Variants in FCRL5 observed in about 807,000 individuals in gnomAD.
The protein encoded by FCRL5 is Fc receptor-like protein 5.
A neutral mutation model predicts 92.1 loss-of-function variants in FCRL5; 79 were observed. The observed-to-expected ratio is 0.86, with a 90% CI of 0.72 to 1.03. The LOEUF is 1.03. Ranked by LOEUF, FCRL5 falls within the 50% of genes least tolerant of loss-of-function variation. The pLI is 0.00. For missense variants in FCRL5, 1,160 were observed against 1,181.1 expected (o/e 0.98, Z 0.26); for synonymous variants, 466 against 469.3 (o/e 0.99, Z 0.09).
In FCRL5 at chr1:157,514,347, G is replaced by C. The variant is rs1649832475; in HGVS notation, c.*1328C>G. 1 of 152,260 alleles carries C rather than the reference G, an allele frequency of 6.6e-6. No homozygotes were observed. The highest frequency in any genetic ancestry group is 1.5e-5 in the Non-Finnish European group (1 of 68,040). The allele number at this position is 152,260 out of a possible 1,614,324, so 9.4% of individuals were successfully genotyped here. ...ATACATTCACCCTTTTCATGGGAAA[G>C]TGTGAGGCCTGAGGTGGGGAAACAA... On this transcript the variant is annotated 3_prime_UTR_variant, in exon 17 of 17. Transcript: ENST00000361835.
At chr1:157,529,026 C>T (rs1326470803) in intron 8 of FCRL5, among the ~76,000 whole-genome samples, 1 of 152,150 alleles carries the variant, frequency 6.6e-6, no homozygotes, top group Non-Finnish European at 1.5e-5. Context: ...AACAGACAAC[C>T]CACAGAGTGG....
intron 1 of FCRL5, among the ~76,000 whole-genome samples, chr1:157,551,825 C>T (rs540605417): frequency 2.4e-4 from 37 of 152,360 alleles, no homozygotes; most frequent in Admixed American, 5.9e-4. Flanking sequence ...TACGCCTCTG[C>T]GACCTCCTCC....
chr1:157,540,031 C>G (rs1250665865), intron 6 of FCRL5, among the ~76,000 whole-genome samples: 9 of 152,312 alleles, frequency 5.9e-5, no homozygotes, highest in East Asian at 1.9e-4. Context: ...GCAAAATATA[C>G]TATCCAAATT....
chr1:157,528,025 T>C, intron 8 of FCRL5, 130 bp from the exon 9 acceptor site: 1 of 1,096,874 alleles, frequency 9.1e-7, no homozygotes, highest in Non-Finnish European at 1.3e-6. Flanking sequence ...AGAAGTCAAA[T>C]TGTTGCTGTT....
intron 1 of FCRL5, among the ~76,000 whole-genome samples, chr1:157,551,081 G>A (rs998271142): frequency 1.3e-5 from 2 of 152,154 alleles, no homozygotes; most frequent in Non-Finnish European, 2.9e-5. Flanking sequence ...TAATATTTTT[G>A]TGAGTGGTTT....
chr1:157,537,888 T>TC (rs1651046033), intron 7 of FCRL5, among the ~76,000 whole-genome samples: 1 of 152,220 alleles, frequency 6.6e-6, no homozygotes, highest in Non-Finnish European at 1.5e-5. Context: ...GGCATGCCTT[T>TC]CATCTGCTCC....
At chr1:157,518,846 C>T in intron 13 of FCRL5, 64 bp from the exon 14 acceptor site, 1 of 1,360,986 alleles carries the variant, frequency 7.3e-7, no homozygotes, top group South Asian at 1.4e-5. Context: ...AATGATCACT[C>T]CTAGTGAGTG....
chr1:157,547,271 G>A (rs1336579542), intron 2 of FCRL5, 74 bp from the exon 3 acceptor site: 1 of 1,572,272 alleles, frequency 6.4e-7, no homozygotes, highest in African/African-American at 1.4e-5. Flanking sequence ...CTGCTGCATA[G>A]CCTGAAGGAC....
At chr1:157,524,650 G>T in intron 9 of FCRL5, 93 bp from the exon 10 acceptor site, 3 of 1,360,620 alleles carry the variant, frequency 2.2e-6, no homozygotes, top group Non-Finnish European at 2.0e-6. Context: ...GTTTTTCTCA[G>T]TTTTTAATGC....
chr1:157,538,855 G>C (rs1455382595), intron 7 of FCRL5, among the ~76,000 whole-genome samples: 1 of 152,232 alleles, frequency 6.6e-6, no homozygotes, highest in Non-Finnish European at 1.5e-5. Context: ...GAGGAGCAGG[G>C]AAAAGAAAGC....
In FCRL5 at chr1:157,515,053, C is replaced by T. The variant is rs1649857205; in HGVS notation, c.*622G>A. On this transcript the variant is annotated 3_prime_UTR_variant, in exon 17 of 17. Transcript: ENST00000361835. Reference sequence around the variant, plus strand: ...AGCCACTTACTTGGGCAGGTAGACACTGACACATGAGCAGGAGAGAAGTTA... The same window carrying T: ...AGCCACTTACTTGGGCAGGTAGACATTGACACATGAGCAGGAGAGAAGTTA... The T allele has an allele frequency of 6.4e-6, 1 of 157,400 alleles. No homozygotes were observed. The allele number at this position is 157,400 out of a possible 1,614,324, so 9.8% of individuals were successfully genotyped here.
chr1:157,542,674 G>A, intron 6 of FCRL5, 185 bp downstream of exon 6: 1 of 713,546 alleles, frequency 1.4e-6, no homozygotes. Flanking sequence ...AGGGCACCTA[G>A]ACTGCAATGC....
intron 8 of FCRL5, chr1:157,532,654 A>C (rs1194566652): frequency 2.6e-5 from 4 of 152,072 alleles, no homozygotes; most frequent in Admixed American, 6.5e-5. Flanking sequence ...GTGGTTTCCA[A>C]TCTTGTCTAC....
In FCRL5 at chr1:157,544,898, A is replaced by G. The variant is rs778947961; in HGVS notation, c.492T>C (p.Tyr164=). The part of the protein sequence containing the change: ...PHACLKDNGA[Y]RCTGYKESCC... The stretch of plus-strand genomic sequence containing the variant: ...AACTTTCCTTATATCCAGTACAGCG[A>G]TATGCACCATTGTCCTTGAGACATG... Residue 164 remains tyrosine (Y), a synonymous_variant, in exon 4 of 17, where the codon TAT becomes TAC. Transcript: ENST00000361835. 1 of 1,614,200 alleles carries G rather than the reference A, an allele frequency of 6.2e-7. No individual in the cohort carries two copies. Among genetic ancestry groups the G allele is most frequent in the Non-Finnish European group, 8.5e-7 (1 of 1,179,988 alleles).
At position 157,534,715 on chromosome 1, in the gene FCRL5, A is replaced by G. The variant is rs1242040677; in HGVS notation, c.1580T>C (p.Phe527Ser). ...ATGTCCTTCAGTCAGAGAGAAGCTGAAGGACACTCTTCCCACAGAGGGTGT... is the reference window on the plus strand; with the variant it reads ...ATGTCCTTCAGTCAGAGAGAAGCTGGAGGACACTCTTCCCACAGAGGGTGT... ...SSTPSVGRVS[F>S]SFSLTEGHSG... The change falls in exon 8 of 17, where the codon TTC becomes TCC. Residue 527 changes from phenylalanine to serine, a missense_variant. Phe to Ser is a radical substitution (Grantham distance 155). Transcript: ENST00000361835. The G allele has an allele frequency of 6.2e-7, 1 of 1,614,120 alleles. No homozygotes were observed. Among genetic ancestry groups the G allele is most frequent in the Non-Finnish European group, 8.5e-7 (1 of 1,180,000 alleles).
intron 2 of FCRL5, among the ~76,000 whole-genome samples, chr1:157,548,933 A>G (rs1651682554): frequency 2.0e-5 from 3 of 152,118 alleles, no homozygotes; most frequent in Middle Eastern, 3.2e-3. Context: ...TCCCATTACC[A>G]GGTATATAAC....
At chr1:157,549,348 G>A (rs1461754852) in intron 2 of FCRL5, among the ~76,000 whole-genome samples, 2 of 151,914 alleles carry the variant, frequency 1.3e-5, no homozygotes, top group Non-Finnish European at 2.9e-5. Flanking sequence ...TGACGAGTTA[G>A]TGGGTGCAGC....
At chr1:157,539,059 G>C in intron 7 of FCRL5, 27 bp downstream of exon 7, 1 of 1,605,970 alleles carries the variant, frequency 6.2e-7, no homozygotes, top group Non-Finnish European at 8.5e-7. Context: ...GCCAGGGGTG[G>C]GTGATTGGCA....
rs60818867 is a variant in FCRL5, at chr1:157,528,889, A to T, written c.1682-994T>A. On this transcript the variant is annotated intron_variant, in intron 8 of 16. Coordinates refer to ENST00000361835, the MANE Select transcript of FCRL5 (RefSeq NM_031281.3). ...TATACTTTAAAAAACTCTTCTAGACATTGGTTGGCTTAGGCAGAGTTCATG... is the reference window on the plus strand; with the variant it reads ...TATACTTTAAAAAACTCTTCTAGACTTTGGTTGGCTTAGGCAGAGTTCATG... Among the ~76,000 whole-genome samples, 831 of 152,366 alleles carry T rather than the reference A, an allele frequency of 5.5e-3. 8 individuals carry two copies. The highest frequency in any genetic ancestry group is 0.018 in the African/African-American group (769 of 41,592).
Sources: allele counts gnomAD v4.1 joint callset (sites outside exome capture counted in the v4.1 genomes callset), GRCh38; gene constraint gnomAD v4.1.1; transcripts MANE v1.5; gene names NCBI Gene and HGNC (gene_info 2026-07-23, HGNC 2026-07-21).